Variants in CNTNAP5 observed in about 807,000 individuals in gnomAD.
CNTNAP5 encodes contactin-associated protein-like 5.
A neutral mutation model predicts 150.2 loss-of-function variants in CNTNAP5; 72 were observed. The observed-to-expected ratio is 0.48, with a 90% confidence interval of 0.40 to 0.58. CNTNAP5 has a LOEUF of 0.58. CNTNAP5 is among the 20% of genes least tolerant of loss of function. The pLI, the probability that CNTNAP5 is intolerant of heterozygous loss-of-function variation, is 0.00. For synonymous variants in CNTNAP5, 672 were observed against 619.8 expected (o/e 1.08, Z -1.25); for missense variants, 1,636 against 1,626.2 (o/e 1.01, Z -0.10).
chr2:124,393,279 A>G, intron 3 of CNTNAP5, among the ~76,000 whole-genome samples: 1 of 151,928 alleles, frequency 6.6e-6, no homozygotes, highest in East Asian at 1.9e-4. Flanking sequence ...GACTTCTCTG[A>G]CTCCTAAATA....
At chr2:124,602,376 C>T (rs571119654) in intron 11 of CNTNAP5, among the ~76,000 whole-genome samples, 1 of 146,952 alleles carries the variant, frequency 6.8e-6, no homozygotes, top group Non-Finnish European at 1.5e-5. Context: ...AAGGCAATAT[C>T]ATGTAATTGT....
At chr2:124,432,935 C>T (rs1403129417) in intron 4 of CNTNAP5, among the ~76,000 whole-genome samples, 1 of 152,200 alleles carries the variant, frequency 6.6e-6, no homozygotes, top group African/African-American at 2.4e-5. Context: ...AAATAATGTG[C>T]CATGCACAAT....
chr2:124,455,893 T>C (rs1436223549), intron 6 of CNTNAP5, among the ~76,000 whole-genome samples: 1 of 152,118 alleles, frequency 6.6e-6, no homozygotes, highest in African/African-American at 2.4e-5. Flanking sequence ...CTCGGCAACA[T>C]TGGCATGCAA....
At chr2:124,288,715 A>C (rs1688213483) in intron 3 of CNTNAP5, among the ~76,000 whole-genome samples, 1 of 152,098 alleles carries the variant, frequency 6.6e-6, no homozygotes, top group Non-Finnish European at 1.5e-5. Context: ...TTATTTCCTA[A>C]TAGGCACTTT....
At chr2:124,356,608 C>T (rs1333184755) in intron 3 of CNTNAP5, among the ~76,000 whole-genome samples, 1 of 152,010 alleles carries the variant, frequency 6.6e-6, no homozygotes, top group East Asian at 1.9e-4. Context: ...ATTTCCAATT[C>T]ATCCATGTCC....
Position 124,647,928 on chromosome 2 carries a change from T to C in CNTNAP5, c.2047T>C (p.Cys683Arg). ...CTGTGAGCAGGAGGTGGCCTACCAC[T>C]GCAGGAGGTCCCGCCTGCTCAACAC... is the stretch of plus-strand genomic sequence containing the variant. ...EHCEQEVAYH[C>R]RRSRLLNTPD... Residue 683 changes from cysteine (C) to arginine (R), a missense_variant, in exon 13 of 24, where the codon TGC becomes CGC. Transcript: ENST00000682447. The C allele has an allele frequency of 1.2e-6, 2 of 1,606,556 alleles. No individual in the cohort carries two copies. The highest frequency in any genetic ancestry group is 1.7e-6 in the Non-Finnish European group (2 of 1,176,990).
chr2:124,392,409 G>T (rs961736175), intron 3 of CNTNAP5, among the ~76,000 whole-genome samples: 1 of 152,040 alleles, frequency 6.6e-6, no homozygotes, highest in Non-Finnish European at 1.5e-5. Flanking sequence ...TCTAGGAGTA[G>T]GTCAGTTAAA....
chr2:124,591,984 G>T (rs141367585), intron 11 of CNTNAP5, among the ~76,000 whole-genome samples: 5 of 152,002 alleles, frequency 3.3e-5, no homozygotes, highest in African/African-American at 1.2e-4. Flanking sequence ...TAGTATACAT[G>T]CATTGTCTGT....
chr2:124,032,448 T>C (rs1235937818), intron 1 of CNTNAP5, among the ~76,000 whole-genome samples: 3 of 152,254 alleles, frequency 2.0e-5, no homozygotes, highest in Non-Finnish European at 4.4e-5. Flanking sequence ...CTGTGAAGGA[T>C]AGACTGGAAT....
chr2:124,419,912 C>CTT (rs1240859552), intron 4 of CNTNAP5, among the ~76,000 whole-genome samples: 1 of 119,930 alleles, frequency 8.3e-6, no homozygotes, highest in African/African-American at 3.6e-5. Context: ...TTCTTTCTTT[C>CTT]TTTCTTTCTT....
intron 3 of CNTNAP5, among the ~76,000 whole-genome samples, chr2:124,321,202 G>C (rs1689090694): frequency 6.6e-6 from 1 of 152,162 alleles, no homozygotes; most frequent in Admixed American, 6.5e-5. Flanking sequence ...AGCACTTTGA[G>C]AGGCCGAGGC....
chr2:124,518,994 CAAAAAAA>C (rs35578704), intron 8 of CNTNAP5, among the ~76,000 whole-genome samples: 1 of 48,114 alleles, frequency 2.1e-5, no homozygotes, highest in Non-Finnish European at 3.8e-5. Context: ...GCCTGGGCCG[CAAAAAAA>C]AAAAAAAAAA....
chr2:124,763,868 C>T (rs1461370634), intron 15 of CNTNAP5, 69 bp downstream of exon 15: 11 of 1,604,556 alleles, frequency 6.9e-6, no homozygotes, highest in East Asian at 4.5e-5. Context: ...ACTCCCTTAT[C>T]CCTTTTCCCT....
chr2:124,820,223 T>G (rs1682456362), intron 19 of CNTNAP5, among the ~76,000 whole-genome samples: 1 of 152,156 alleles, frequency 6.6e-6, no homozygotes, highest in Admixed American at 6.6e-5. Flanking sequence ...ATGTCAAACA[T>G]TTGAGGCATT....
chr2:124,075,076 T>C (rs1197680155), intron 1 of CNTNAP5, among the ~76,000 whole-genome samples: 1 of 152,130 alleles, frequency 6.6e-6, no homozygotes, highest in Non-Finnish European at 1.5e-5. Flanking sequence ...GTACTTTTTT[T>C]ACAATTGGGG....
rs79847981 is a variant in CNTNAP5 at position 124,049,330 on chromosome 2, G to A, written c.82+23598G>A. On this transcript the variant is annotated intron_variant, in intron 1 of 23. Coordinates refer to ENST00000682447, the MANE Select transcript of CNTNAP5 (RefSeq NM_001367498.1). The stretch of plus-strand genomic sequence containing the variant: ...TACGAATGCCTCAGAAAGGCACACC[G>A]CTTACTCACATCCCAAGAGACATGC... Among the ~76,000 whole-genome samples the A allele has an allele frequency of 8.3e-3, 1,270 of 152,218 alleles. 19 individuals are homozygous for A. The highest frequency in any genetic ancestry group is 0.028 in the African/African-American group (1,157 of 41,528).
At chr2:124,722,222 A>G (rs890776907) in intron 13 of CNTNAP5, among the ~76,000 whole-genome samples, 3 of 152,052 alleles carry the variant, frequency 2.0e-5, no homozygotes, top group South Asian at 2.1e-4. Context: ...GCAAAATACA[A>G]TCACTCCATC....
At chr2:124,109,811 T>C (rs1573759943) in intron 1 of CNTNAP5, among the ~76,000 whole-genome samples, 2 of 152,324 alleles carry the variant, frequency 1.3e-5, no homozygotes, top group African/African-American at 4.8e-5. Context: ...AAGTAAAATA[T>C]GTGCATATGG....
chr2:124,077,309 G>T (rs1463832255), intron 1 of CNTNAP5, among the ~76,000 whole-genome samples: 2 of 152,042 alleles, frequency 1.3e-5, no homozygotes, highest in Non-Finnish European at 2.9e-5. Context: ...CCAGATAATT[G>T]CAATCAGTAT....
Sources: gnomAD v4.1 joint callset for allele counts (sites outside exome capture counted in the v4.1 genomes callset) on GRCh38, gnomAD v4.1.1 for gene constraint, MANE v1.5 for transcripts, NCBI Gene and HGNC (gene_info 2026-07-23, HGNC 2026-07-21) for gene names.